The following OCA2 variants were observed in gnomAD, a reference collection of about 807,000 sequenced individuals.
OCA2 encodes P protein.
Under a neutral mutation model 100.2 loss-of-function variants are expected in OCA2, and 77 were observed. The observed-to-expected ratio is 0.77, with a 90% CI of 0.64 to 0.93. The LOEUF is 0.93. Among genes scored for constraint, OCA2 ranks in the 40% least tolerant of loss-of-function variants. The pLI is 0.00. For synonymous variants in OCA2, 432 were observed against 439.2 expected (o/e 0.98, Z 0.21); for missense variants, 1,062 against 1,089.1 (o/e 0.98, Z 0.35).
intron 21 of OCA2, among the ~76,000 whole-genome samples, chr15:27,852,235 T>C (rs1487415991): frequency 2.6e-5 from 4 of 152,230 alleles, no homozygotes; most frequent in African/African-American, 9.6e-5. Flanking sequence ...TTGATTTTTG[T>C]ATAAGGTGTA....
chr15:27,792,621 C>T (rs750711943), intron 23 of OCA2, among the ~76,000 whole-genome samples: 2 of 152,154 alleles, frequency 1.3e-5, no homozygotes, highest in Non-Finnish European at 2.9e-5. Flanking sequence ...CCTCCACAGC[C>T]GAGTTAGCAT....
At chr15:28,006,133 C>A (rs901183526) in intron 9 of OCA2, among the ~76,000 whole-genome samples, 1 of 152,160 alleles carries the variant, frequency 6.6e-6, no homozygotes, top group Admixed American at 6.5e-5. Flanking sequence ...ACAGAGAATT[C>A]CCAGAACAGG....
downstream of OCA2, among the ~76,000 whole-genome samples, chr15:27,750,455 A>C (rs1279059074): frequency 6.6e-6 from 1 of 152,224 alleles, no homozygotes; most frequent in East Asian, 1.9e-4. Context: ...ATTAATATGC[A>C]CAGTTGGTTA....
chr15:28,056,561 C>T (rs1184850620), intron 2 of OCA2, among the ~76,000 whole-genome samples: 2 of 152,216 alleles, frequency 1.3e-5, no homozygotes, highest in South Asian at 2.1e-4. Flanking sequence ...TTTGGGGTGA[C>T]GTGGGGGCAC....
chr15:27,934,461 A>G (rs144268728), intron 18 of OCA2, among the ~76,000 whole-genome samples: 156 of 152,328 alleles, frequency 1.0e-3, no homozygotes, highest in African/African-American at 3.7e-3. Context: ...CCGCTCCTCT[A>G]ACACAGATCA....
intron 14 of OCA2, among the ~76,000 whole-genome samples, chr15:27,972,144 C>T (rs1307006763): frequency 6.6e-6 from 1 of 152,194 alleles, no homozygotes; most frequent in Non-Finnish European, 1.5e-5. Context: ...CTGCAAAAGA[C>T]ATTAGTTCAT....
chr15:27,981,929 C>G (rs1383849086), intron 14 of OCA2, among the ~76,000 whole-genome samples: 1 of 152,206 alleles, frequency 6.6e-6, no homozygotes, highest in Non-Finnish European at 1.5e-5. Flanking sequence ...TGGAAGCTCT[C>G]TTGAGGTAGT....
chr15:27,812,846 G>C (rs149331479), intron 23 of OCA2, among the ~76,000 whole-genome samples: 1 of 152,060 alleles, frequency 6.6e-6, no homozygotes, highest in Non-Finnish European at 1.5e-5. Flanking sequence ...AAAATACTAA[G>C]GCTGTGCCAT....
chr15:28,078,276 T>C (rs1261290695), intron 2 of OCA2, among the ~76,000 whole-genome samples: 1 of 152,226 alleles, frequency 6.6e-6, no homozygotes, highest in Admixed American at 6.5e-5. Flanking sequence ...TTTCCAACTT[T>C]TTCACAACAA....
Position 27,808,952 on chromosome 15 carries a change from T to G in OCA2, c.2432+36007A>C, listed in dbSNP as rs189176442. On this transcript the variant is annotated intron_variant, in intron 23 of 23. Transcript: ENST00000354638. The stretch of plus-strand genomic sequence containing the variant: ...GGGTATGCCATCATTCTCCTTCCTC[T>G]TCACTTCCCTGTTGTCTTCCTTCTG... 6.0e-4 allele frequency among the ~76,000 whole-genome samples: 91 copies of G among 152,318 alleles called. 2 individuals carry two copies. The highest frequency in any genetic ancestry group is 2.1e-3 in the African/African-American group (88 of 41,574).
intron 19 of OCA2, among the ~76,000 whole-genome samples, chr15:27,898,599 C>T (rs1467626490): frequency 2.0e-5 from 3 of 152,030 alleles, no homozygotes; most frequent in East Asian, 1.9e-4. Context: ...TTATCAGCAG[C>T]GTGAGAACAG....
At chr15:27,877,186 A>C (rs567638173) in intron 19 of OCA2, among the ~76,000 whole-genome samples, 14 of 152,078 alleles carry the variant, frequency 9.2e-5, no homozygotes, top group African/African-American at 2.9e-4. Flanking sequence ...AGGTTTTCCT[A>C]GACTGCTATT....
intron 11 of OCA2, among the ~76,000 whole-genome samples, chr15:27,987,098 A>G (rs1273974640): frequency 6.6e-6 from 1 of 152,190 alleles, no homozygotes; most frequent in Non-Finnish European, 1.5e-5. Context: ...ATTGGGTTCA[A>G]TTTTGTTTTC....
At chr15:28,035,308 A>G (rs1291023317) in intron 2 of OCA2, among the ~76,000 whole-genome samples, 1 of 152,240 alleles carries the variant, frequency 6.6e-6, no homozygotes, top group African/African-American at 2.4e-5. Context: ...GAGTTTCACC[A>G]GGCAATTTCC....
chr15:27,955,067 G>A (rs1341854843), intron 17 of OCA2, 91 bp downstream of exon 17: 2 of 909,148 alleles, frequency 2.2e-6, no homozygotes, highest in Non-Finnish European at 3.7e-6. Context: ...AAGAGAAACG[G>A]CATTCAGTCA....
chr15:28,069,367 T>C (rs1479194382), intron 2 of OCA2, among the ~76,000 whole-genome samples: 9 of 8,466 alleles, frequency 1.1e-3, no homozygotes, highest in African/African-American at 6.6e-3. Context: ...CCTCTCCCTC[T>C]CCCTCTCCCT....
chr15:27,790,494 G>T (rs529963212), intron 23 of OCA2, among the ~76,000 whole-genome samples: 2 of 152,268 alleles, frequency 1.3e-5, no homozygotes, highest in African/African-American at 4.8e-5. Flanking sequence ...ACAAAAACAT[G>T]ATTGGATATC....
chr15:28,004,993 A>G (rs937559040), intron 9 of OCA2, among the ~76,000 whole-genome samples: 16 of 152,244 alleles, frequency 1.1e-4, no homozygotes, highest in African/African-American at 3.6e-4. Context: ...CTTCCTGTAT[A>G]TCAAAGAAAA....
chr15:27,877,494 T>A (rs1475414070), intron 19 of OCA2, among the ~76,000 whole-genome samples: 1 of 151,964 alleles, frequency 6.6e-6, no homozygotes, highest in Non-Finnish European at 1.5e-5. Flanking sequence ...GCATCTTGAG[T>A]ATTTACCAGG....
Sources: gnomAD v4.1 joint callset for allele counts (sites outside exome capture counted in the v4.1 genomes callset) on GRCh38, gnomAD v4.1.1 for gene constraint, MANE v1.5 for transcripts, NCBI Gene and HGNC (gene_info 2026-07-23, HGNC 2026-07-21) for gene names.